Variants in CPS1 observed in about 807,000 individuals in gnomAD.
CPS1 encodes carbamoyl-phosphate synthase [ammonia], mitochondrial.
Under a neutral mutation model 174.6 loss-of-function variants are expected in CPS1, and 109 were observed. That is an observed-to-expected ratio of 0.62 (90% CI 0.53 to 0.73). The LOEUF (loss-of-function observed/expected upper bound fraction) is 0.73, where lower values mean the gene tolerates loss of function less well. Among genes scored for constraint, CPS1 ranks in the 30% least tolerant of loss-of-function variants. CPS1 has a pLI of 0.00. For synonymous variants in CPS1, 637 were observed against 632.0 expected (o/e 1.01, Z -0.12); for missense variants, 1,689 against 1,821.9 (o/e 0.93, Z 1.33).
intron 6 of CPS1, among the ~76,000 whole-genome samples, chr2:210,587,477 T>C (rs553667990): frequency 1.3e-5 from 2 of 152,204 alleles, no homozygotes; most frequent in South Asian, 4.1e-4. Flanking sequence ...GGGATCTTTT[T>C]ATGAAATCTA....
At chr2:210,569,999 C>T (rs992016594) in intron 1 of CPS1, among the ~76,000 whole-genome samples, 2 of 151,760 alleles carry the variant, frequency 1.3e-5, no homozygotes, top group Non-Finnish European at 2.9e-5. Context: ...CTTTTATACT[C>T]CTTGGAATGA....
intron 28 of CPS1, among the ~76,000 whole-genome samples, chr2:210,651,085 A>G (rs1700544619): frequency 6.6e-6 from 1 of 151,914 alleles, no homozygotes; most frequent in Non-Finnish European, 1.5e-5. Context: ...GGGGTTATTG[A>G]TCTTGTATTG....
chr2:210,571,263 G>C (rs1023405816), intron 1 of CPS1, among the ~76,000 whole-genome samples: 2 of 151,834 alleles, frequency 1.3e-5, no homozygotes, highest in African/African-American at 4.8e-5. Flanking sequence ...ACACTGGGTC[G>C]AAGGAAATAG....
At chr2:210,626,701 T>G (rs1699709194) in intron 21 of CPS1, among the ~76,000 whole-genome samples, 1 of 152,202 alleles carries the variant, frequency 6.6e-6, no homozygotes, top group Non-Finnish European at 1.5e-5. Context: ...TCAAAAATTA[T>G]TCACGTTTTC....
chr2:210,659,346 A>C (rs963155000), intron 31 of CPS1, among the ~76,000 whole-genome samples: 4 of 152,124 alleles, frequency 2.6e-5, no homozygotes, highest in Admixed American at 2.6e-4. Context: ...TGAGAGAGAA[A>C]GTAGGGGAGA....
At chr2:210,604,937 C>T in intron 16 of CPS1, 165 bp from the exon 17 acceptor site, 1 of 691,886 alleles carries the variant, frequency 1.4e-6, no homozygotes, top group South Asian at 1.7e-5. Context: ...TTCCTAGTAC[C>T]TCACTGATTT....
intron 19 of CPS1, among the ~76,000 whole-genome samples, chr2:210,609,889 G>C (rs1447649027): frequency 3.3e-5 from 5 of 151,722 alleles, no homozygotes; most frequent in Non-Finnish European, 7.4e-5. Context: ...ATGCTTTACT[G>C]GTCTATCATA....
At position 210,512,148 on chromosome 2, in the gene CPS1, A is replaced by T. The variant is rs528899543; in HGVS notation, c.3+34382A>T. Reference sequence around the variant, plus strand: ...CTGCATTGTTTCTAAAGCCCGAAACATGGATGGTGACTTTTATGTGTGCAA... The same window carrying T: ...CTGCATTGTTTCTAAAGCCCGAAACTTGGATGGTGACTTTTATGTGTGCAA... On this transcript the variant is annotated intron_variant, in intron 1 of 38. Coordinates refer to the CPS1 transcript ENST00000430249. Among the ~76,000 whole-genome samples the T allele has an allele frequency of 2.0e-5, 3 of 152,182 alleles. No homozygotes were observed. The East Asian group carries it at 5.8e-4, about 29-fold the overall frequency.
At chr2:210,519,073 C>T (rs1034737500) in intron 1 of CPS1, among the ~76,000 whole-genome samples, 5 of 151,988 alleles carry the variant, frequency 3.3e-5, no homozygotes, top group Non-Finnish European at 7.4e-5. Context: ...TCTTAAGTTT[C>T]TTGATGAGTT....
At chr2:210,502,355 A>ATC (rs1553719322) in intron 1 of CPS1, among the ~76,000 whole-genome samples, 2 of 116,922 alleles carry the variant, frequency 1.7e-5, no homozygotes, top group African/African-American at 2.7e-5. Flanking sequence ...GGAAAAAATA[A>ATC]TCTCTCTCTC....
chr2:210,575,839 C>T (rs1334746432), intron 2 of CPS1, among the ~76,000 whole-genome samples: 1 of 151,960 alleles, frequency 6.6e-6, no homozygotes, highest in East Asian at 1.9e-4. Flanking sequence ...ATCATATATA[C>T]TCATGCAACC....
At chr2:210,656,401 A>T (rs1700706217) in intron 29 of CPS1, 124 bp from the exon 30 acceptor site, 2 of 724,430 alleles carry the variant, frequency 2.8e-6, no homozygotes, top group South Asian at 3.0e-5. Flanking sequence ...TCAGGAATGT[A>T]GCAAGGGAAC....
At chr2:210,515,350 T>G (rs1410797498) in intron 1 of CPS1, among the ~76,000 whole-genome samples, 1 of 56,248 alleles carries the variant, frequency 1.8e-5, no homozygotes, top group Non-Finnish European at 6.4e-5. Flanking sequence ...GGTTGGTAGG[T>G]TTTTTTTTAT....
intron 1 of CPS1, among the ~76,000 whole-genome samples, chr2:210,502,517 A>G (rs577035431): frequency 1.3e-5 from 2 of 148,754 alleles, no homozygotes; most frequent in African/African-American, 2.4e-5. Context: ...TTTTTTATAT[A>G]TATATACACA....
At position 210,678,345 on chromosome 2, in the gene CPS1, G is replaced by T; in HGVS notation, c.*360G>T. Reference sequence around the variant, plus strand: ...TTTCTGAACTCTTTCTATACTTTAAGATACTCTATTTTTAAAACACTATCT... The same window carrying T: ...TTTCTGAACTCTTTCTATACTTTAATATACTCTATTTTTAAAACACTATCT... On this transcript the variant is annotated 3_prime_UTR_variant, in exon 38 of 38. Transcript: ENST00000233072. 3.2e-6 allele frequency: 1 copy of T among 311,758 alleles called. No homozygotes were observed. Among genetic ancestry groups the T allele is most frequent in the South Asian group, 3.1e-5 (1 of 31,818 alleles). The allele number at this position is 311,758 out of a possible 1,614,324, so 19.3% of individuals were successfully genotyped here. A position where few individuals can be genotyped will look rare whatever the true frequency, so the allele number is the denominator to read the frequency against.
intron 11 of CPS1, among the ~76,000 whole-genome samples, chr2:210,594,165 G>T (rs1698401379): frequency 6.6e-6 from 1 of 151,698 alleles, no homozygotes; most frequent in Admixed American, 6.6e-5. Flanking sequence ...TATCATAAGT[G>T]ATATAGCTTC....
chr2:210,616,450 G>A lies in CPS1; in HGVS notation c.2596G>A (p.Glu866Lys), dbSNP rs1233577562. The A allele has an allele frequency of 8.1e-6, 13 of 1,612,026 alleles. No homozygotes were observed. Among genetic ancestry groups the A allele is most frequent in the Non-Finnish European group, 1.1e-5 (13 of 1,178,552 alleles). ...CATTGATGACAACATGTCCCTTGAT[G>A]AGATTGAGAAGCTCACATACATTGA... ...KAIDDNMSLD[E>K]IEKLTYIDKW... Residue 866 changes from glutamate (E) to lysine (K), a missense_variant, in exon 21 of 38, where the codon GAG (glutamate) becomes AAG (lysine). Coordinates refer to ENST00000233072, the MANE Select transcript of CPS1 (RefSeq NM_001875.5).
chr2:210,571,905 GTGTGTA>G lies in CPS1; in HGVS notation c.127-1386_127-1381del, dbSNP rs1471833598. Among the ~76,000 whole-genome samples, 91 of 114,580 alleles carry G rather than the reference GTGTGTA, an allele frequency of 7.9e-4. No homozygotes were observed. In the East Asian group the frequency reaches 0.015, roughly 18 times the overall value. 75.2% of individuals were successfully genotyped at this position (114,580 alleles called of 152,430 possible). The stretch of plus-strand genomic sequence containing the variant: ...TGTGTGTGTGTGTGTGTGTGTGTGT[GTGTGTA>G]TGTGTAATGGGAGTGGAGGTGGGGT... On this transcript the variant is annotated intron_variant, in intron 1 of 37. Transcript: ENST00000233072.
At chr2:210,484,275 C>G (rs1437605917) in intron 1 of CPS1, among the ~76,000 whole-genome samples, 1 of 152,174 alleles carries the variant, frequency 6.6e-6, no homozygotes, top group Non-Finnish European at 1.5e-5. Flanking sequence ...GGCAAAGTCA[C>G]AGCACTTTCA....
Sources: gnomAD v4.1 joint callset for allele counts (sites outside exome capture counted in the v4.1 genomes callset) on GRCh38, gnomAD v4.1.1 for gene constraint, MANE v1.5 for transcripts, NCBI Gene and HGNC (gene_info 2026-07-23, HGNC 2026-07-21) for gene names.